PEX2: variants seen among roughly 807,000 people sequenced by gnomAD.
PEX2 encodes the protein peroxisomal biogenesis factor 2, also known as peroxisome biogenesis factor 2.
In PEX2, 19 loss-of-function variants were observed where a neutral mutation model predicts 25.2. The ratio of observed to expected loss-of-function variants is 0.75; its 90% CI spans 0.53 to 1.10. The LOEUF (loss-of-function observed/expected upper bound fraction) is 1.10, where lower values mean the gene tolerates loss of function less well. Ranked by LOEUF, PEX2 falls within the 50% of genes least tolerant of loss-of-function variation. The pLI is 0.00. For missense variants in PEX2, 347 were observed against 350.6 expected, an observed-to-expected ratio of 0.99 and a Z score of 0.08; for synonymous variants, 141 against 127.7, an observed-to-expected ratio of 1.10 and a Z score of -0.70.
chr8:76,992,920 A>C (rs865777367), intron 1 of PEX2, among the ~76,000 whole-genome samples: 2 of 152,238 alleles, frequency 1.3e-5, no homozygotes, highest in African/African-American at 4.8e-5. Context: ...AAAACTTTCC[A>C]GGGAGAAAAG....
In PEX2 at chr8:76,981,389, G is replaced by A. The variant is rs1806822226; in HGVS notation, c.*1872C>T. On this transcript the variant is annotated 3_prime_UTR_variant, in exon 4 of 4. Transcript: ENST00000357039. The stretch of plus-strand genomic sequence containing the variant: ...AGATGGGAGGATCGCTTGAGCCCTG[G>A]GAGGGAAAGGCTGCGGTTAGCCATG... 1 of 152,190 alleles carries A rather than the reference G, an allele frequency of 6.6e-6. No individual in the cohort carries two copies. The highest frequency in any genetic ancestry group is 1.5e-5 in the Non-Finnish European group (1 of 68,068). The allele number at this position is 152,190 out of a possible 1,614,324, so 9.4% of individuals were successfully genotyped here. A position where few individuals can be genotyped will look rare whatever the true frequency, so the allele number is the denominator to read the frequency against.
At chr8:76,988,514 C>T (rs957149469) in intron 1 of PEX2, among the ~76,000 whole-genome samples, 176 bp from the exon 2 acceptor site, 3 of 152,210 alleles carry the variant, frequency 2.0e-5, no homozygotes, top group South Asian at 2.1e-4. Flanking sequence ...AAAATGCTAA[C>T]AACCATCTGA....
At chr8:76,987,493 G>A (rs1807040511) in intron 2 of PEX2, among the ~76,000 whole-genome samples, 1 of 152,150 alleles carries the variant, frequency 6.6e-6, no homozygotes, top group African/African-American at 2.4e-5. Context: ...AGCTGAGGAG[G>A]CTGTATTTTA....
chr8:76,999,913 G>C (rs1271382878), intron 1 of PEX2, 77 bp downstream of exon 1: 8 of 456,466 alleles, frequency 1.8e-5, no homozygotes, highest in African/African-American at 1.6e-4. Flanking sequence ...CAATTACAAG[G>C]TCGTGAAACT....
chr8:76,983,847 A>C lies in PEX2; in HGVS notation c.332T>G (p.Ile111Ser). ...TCGTTCTTCTAACCACCTGCCACCA[A>C]TTGTACAAACAGCATACCAGATTTT... ...NQKIWYAVCT[I>S]GGRWLEERCY... is the part of the protein sequence containing the mutation. Residue 111 changes from isoleucine to serine, a missense_variant, in exon 4 of 4, where the codon ATT (isoleucine) becomes AGT (serine). Coordinates refer to ENST00000357039, the MANE Select transcript of PEX2 (RefSeq NM_000318.3). 1.2e-6 allele frequency: 2 copies of C among 1,614,126 alleles called. 1 individual carries two copies.
intron 1 of PEX2, among the ~76,000 whole-genome samples, chr8:76,990,051 G>A (rs1198760895): frequency 6.6e-6 from 1 of 152,138 alleles, no homozygotes; most frequent in African/African-American, 2.4e-5. Context: ...CAATTATTTA[G>A]CTAAAGCTTC....
At position 76,983,439 on chromosome 8, in the gene PEX2, CAT is replaced by C. The variant is rs1242725105; in HGVS notation, c.738_739del (p.Cys247TrpfsTer13). The C allele has an allele frequency of 6.2e-7, 1 of 1,614,072 alleles. No homozygotes were observed. Among genetic ancestry groups the C allele is most frequent in the African/African-American group, 1.3e-5 (1 of 74,938 alleles). On this transcript the variant is annotated frameshift_variant, in exon 4 of 4. Coordinates refer to ENST00000357039, the MANE Select transcript of PEX2 (RefSeq NM_000318.3). LOFTEE classifies it high-confidence loss of function. ...GTGAGGCATGGTGGGCCACTCTCCA[CAT>C]AGAGCGCATTCTTTGCCACTGGTGG...
At chr8:76,994,920 C>T (rs996311204) in intron 1 of PEX2, among the ~76,000 whole-genome samples, 9 of 152,050 alleles carry the variant, frequency 5.9e-5, no homozygotes, top group Admixed American at 3.9e-4. Context: ...ATTTTATTTC[C>T]TTTGTGTAGT....
intron 3 of PEX2, among the ~76,000 whole-genome samples, chr8:76,984,779 A>G (rs1470638246): frequency 6.6e-6 from 1 of 152,180 alleles, no homozygotes; most frequent in African/African-American, 2.4e-5. Flanking sequence ...CTAAATGAAC[A>G]ATACATGGTT....
In PEX2 at chr8:76,986,229, T is replaced by C. The variant is rs1178160786; in HGVS notation, c.-60A>G. 6.6e-6 allele frequency: 1 copy of C among 152,212 alleles called. No individual in the cohort carries two copies. The highest frequency in any genetic ancestry group is 1.5e-5 in the Non-Finnish European group (1 of 68,042). 9.4% of individuals were successfully genotyped at this position (152,212 alleles called of 1,614,324 possible). A position where few individuals can be genotyped will look rare whatever the true frequency, so the allele number is the denominator to read the frequency against. ...AGCTCCCTCAAGACTGGACAGCCTA[T>C]AGCTATGACAGTGGGAATTTTTGCT... On this transcript the variant is annotated 5_prime_UTR_variant, in exon 3 of 4. Coordinates refer to ENST00000357039, the MANE Select transcript of PEX2 (RefSeq NM_000318.3).
intron 1 of PEX2, among the ~76,000 whole-genome samples, chr8:76,991,439 G>T (rs118071051): frequency 1.3e-5 from 2 of 152,018 alleles, no homozygotes; most frequent in Non-Finnish European, 2.9e-5. Context: ...TCCTCCCTAC[G>T]TAAGACTCTT....
intron 3 of PEX2, 90 bp from the exon 4 acceptor site, chr8:76,984,285 AT>A: frequency 9.9e-7 from 1 of 1,011,414 alleles, no homozygotes; most frequent in South Asian, 1.3e-5. Flanking sequence ...TCATACACAA[AT>A]TACACAGGAC....
upstream of PEX2, among the ~76,000 whole-genome samples, chr8:77,000,494 G>A (rs868853875): frequency 6.6e-5 from 10 of 152,174 alleles, no homozygotes; most frequent in Non-Finnish European, 1.3e-4. Flanking sequence ...CGCGCCTCCG[G>A]GGTTCCTTGT....
At chr8:77,000,811 CA>C (rs1373351324), upstream of PEX2, 1 of 152,382 alleles carries the variant, frequency 6.6e-6, no homozygotes, top group East Asian at 1.9e-4. Context: ...GGAATTCGGG[CA>C]GCCAGCTCGC....
At position 76,984,236 on chromosome 8, in the gene PEX2, C is replaced by A. The variant is rs10957830; in HGVS notation, c.-17-41G>T. 0.22 allele frequency: 324,915 copies of A among 1,508,092 alleles called. 36,872 individuals are homozygous for A. Among genetic ancestry groups the A allele is most frequent in the Admixed American group, 0.36 (21,299 of 59,640 alleles). The allele number at this position is 1,508,092 out of a possible 1,614,324, so 93.4% of individuals were successfully genotyped here. On this transcript the variant is annotated intron_variant, in intron 3 of 3. Transcript: ENST00000357039. The stretch of plus-strand genomic sequence containing the variant: ...ATTGAAGAACATTAGCAAAGAGTTG[C>A]AATCTTGTACAACCTCCTCAACTTA...
chr8:76,988,728 C>T (rs2132050655), intron 1 of PEX2, among the ~76,000 whole-genome samples: 1 of 152,270 alleles, frequency 6.6e-6, no homozygotes, highest in Middle Eastern at 3.4e-3. Context: ...TAGCATTTTA[C>T]CAAGAGTAAA....
chr8:76,993,746 A>G (rs1039996006), intron 1 of PEX2, among the ~76,000 whole-genome samples: 2 of 152,136 alleles, frequency 1.3e-5, no homozygotes, highest in African/African-American at 4.8e-5. Context: ...TTCCTATTCT[A>G]CCTTTTCATA....
In PEX2 at chr8:76,983,827, C is replaced by T. The variant is rs1323026896; in HGVS notation, c.352G>A (p.Glu118Lys). Residue 118 changes from glutamate (E) to lysine (K), a missense_variant, in exon 4 of 4, where the codon GAA becomes AAA. Coordinates refer to ENST00000357039, the MANE Select transcript of PEX2 (RefSeq NM_000318.3). Reference protein sequence around the residue: ...VCTIGGRWLEERCYDLFRNHH... With the variant: ...VCTIGGRWLEKRCYDLFRNHH... ...TTTCGAAACAAATCATAGCATCGTT[C>T]TTCTAACCACCTGCCACCAATTGTA... The T allele has an allele frequency of 6.2e-7, 1 of 1,614,050 alleles. No individual in the cohort carries two copies. The highest frequency in any genetic ancestry group is 8.5e-7 in the Non-Finnish European group (1 of 1,180,040).
rs1223274674 is a variant in PEX2, at chr8:76,982,878, A to G, written c.*383T>C. ...TTTAAAACAGTCTCATAATTGTCACATTATCATATTATGTCAACTCTGAAA... is the reference window on the plus strand; with the variant it reads ...TTTAAAACAGTCTCATAATTGTCACGTTATCATATTATGTCAACTCTGAAA... On this transcript the variant is annotated 3_prime_UTR_variant, in exon 4 of 4. Transcript: ENST00000357039. 7.7e-6 allele frequency: 2 copies of G among 259,662 alleles called. No homozygotes were observed. Among genetic ancestry groups the G allele is most frequent in the Non-Finnish European group, 1.5e-5 (2 of 135,236 alleles). 16.1% of individuals were successfully genotyped at this position (259,662 alleles called of 1,614,324 possible). A position where few individuals can be genotyped will look rare whatever the true frequency, so the allele number is the denominator to read the frequency against.
Sources: allele counts gnomAD v4.1 joint callset (sites outside exome capture counted in the v4.1 genomes callset), GRCh38; gene constraint gnomAD v4.1.1; transcripts MANE v1.5; gene names NCBI Gene and HGNC (gene_info 2026-07-23, HGNC 2026-07-21).